The following TCERG1L variants were observed in gnomAD, a reference collection of about 807,000 sequenced individuals.
The protein encoded by TCERG1L is transcription elongation regulator 1 like.
Under a neutral mutation model 56.3 loss-of-function variants are expected in TCERG1L, and 37 were observed. The ratio of observed to expected loss-of-function variants is 0.66; its 90% CI spans 0.51 to 0.87. The LOEUF (loss-of-function observed/expected upper bound fraction) is 0.87. TCERG1L is among the 40% of genes least tolerant of loss of function. TCERG1L has a pLI of 0.00. For synonymous variants in TCERG1L, 324 were observed against 326.3 expected, an observed-to-expected ratio of 0.99 and a Z score of 0.08; for missense variants, 799 against 774.2, an observed-to-expected ratio of 1.03 and a Z score of -0.38.
intron 4 of TCERG1L, among the ~76,000 whole-genome samples, chr10:131,185,308 A>T (rs1389065316): frequency 1.3e-5 from 2 of 152,222 alleles, no homozygotes; most frequent in Non-Finnish European, 2.9e-5. Flanking sequence ...GGAGAAAGAG[A>T]CATAATCTTG....
In TCERG1L at chr10:131,111,673, C is replaced by G; in HGVS notation, c.1395+5126G>C. On this transcript the variant is annotated intron_variant, in intron 9 of 11. Transcript: ENST00000368642. ...TCACGATTTCCTCGCACAGCCTGAC[C>G]TTCCCCTCGTCCACGCCCCGTGGGC... Among the ~76,000 whole-genome samples the G allele has an allele frequency of 2.8e-5, 4 of 142,996 alleles. 1 individual carries two copies. 93.8% of individuals were successfully genotyped at this position (142,996 alleles called of 152,430 possible).
In TCERG1L at chr10:131,179,138, G is replaced by A. The variant is rs146746235; in HGVS notation, c.857-12253C>T. On this transcript the variant is annotated intron_variant, in intron 4 of 11. Coordinates refer to ENST00000368642, the MANE Select transcript of TCERG1L (RefSeq NM_174937.4). ...GGCTCTCTCCACGGGCTGCAGATCAGGCTGCCCGGATCAGGAGGTGAGCAG... is the reference window on the plus strand; with the variant it reads ...GGCTCTCTCCACGGGCTGCAGATCAAGCTGCCCGGATCAGGAGGTGAGCAG... Among the ~76,000 whole-genome samples, 211 of 152,338 alleles carry A rather than the reference G, an allele frequency of 1.4e-3. 1 individual carries two copies. Among genetic ancestry groups the A allele is most frequent in the East Asian group, 7.0e-3 (36 of 5,156 alleles).
intron 4 of TCERG1L, among the ~76,000 whole-genome samples, chr10:131,220,020 A>G (rs1258925079): frequency 1.3e-5 from 2 of 152,126 alleles, no homozygotes; most frequent in African/African-American, 4.8e-5. Flanking sequence ...ACAACAAAAG[A>G]GCCAGCCTAC....
intron 3 of TCERG1L, among the ~76,000 whole-genome samples, chr10:131,307,874 TA>T (rs1846832236): frequency 6.6e-6 from 1 of 152,094 alleles, no homozygotes; most frequent in Non-Finnish European, 1.5e-5. Flanking sequence ...CAACATTTTT[TA>T]AAGAGTAGAC....
chr10:131,268,763 C>T (rs1204394187), intron 3 of TCERG1L, among the ~76,000 whole-genome samples: 3 of 152,210 alleles, frequency 2.0e-5, no homozygotes, highest in East Asian at 1.9e-4. Flanking sequence ...CCTCTGTTAG[C>T]TTCAAACTTT....
chr10:131,212,360 G>A (rs1054570994), intron 4 of TCERG1L, among the ~76,000 whole-genome samples: 1 of 152,230 alleles, frequency 6.6e-6, no homozygotes, highest in African/African-American at 2.4e-5. Context: ...ACCAGTGCAT[G>A]ATCAGAAACT....
At chr10:131,223,290 C>T (rs562965545) in intron 4 of TCERG1L, among the ~76,000 whole-genome samples, 62 of 152,332 alleles carry the variant, frequency 4.1e-4, no homozygotes, top group Non-Finnish European at 7.2e-4. Context: ...CGTGTCCCCA[C>T]CCTGGTGCAG....
chr10:131,206,553 G>C (rs1845529741), intron 4 of TCERG1L, among the ~76,000 whole-genome samples: 1 of 152,254 alleles, frequency 6.6e-6, no homozygotes, highest in Non-Finnish European at 1.5e-5. Context: ...CAGGCCCTGG[G>C]TGCAAAGTCC....
intron 4 of TCERG1L, among the ~76,000 whole-genome samples, chr10:131,218,122 A>G (rs2944493): frequency 0.28 from 43,011 of 151,826 alleles, 6,597 homozygotes; most frequent in East Asian, 0.44. Context: ...GACACAGCCC[A>G]TTTTTTCCCA....
chr10:131,222,746 C>A lies in TCERG1L; in HGVS notation c.856+37513G>T, dbSNP rs191242861. ...CATTAATGTGGCCATGCCTGTCTGGCCCCTTCCTGTCCCCTCTCACATGTG... is the reference window on the plus strand; with the variant it reads ...CATTAATGTGGCCATGCCTGTCTGGACCCTTCCTGTCCCCTCTCACATGTG... On this transcript the variant is annotated intron_variant, in intron 4 of 11. Coordinates refer to ENST00000368642, the MANE Select transcript of TCERG1L (RefSeq NM_174937.4). 1.5e-3 allele frequency among the ~76,000 whole-genome samples: 226 copies of A among 152,302 alleles called. 3 individuals are homozygous for A. The highest frequency in any genetic ancestry group is 5.3e-3 in the African/African-American group (220 of 41,572).
rs536522629 is a variant in TCERG1L, at chr10:131,219,100, C to G, written c.856+41159G>C. ...CAGCTCCAGCCTCCAGGACTCCTCT[C>G]CGTCCTGGCTCTGCCTGCAGGCTCC... On this transcript the variant is annotated intron_variant, in intron 4 of 11. Coordinates refer to ENST00000368642, the MANE Select transcript of TCERG1L (RefSeq NM_174937.4). Among the ~76,000 whole-genome samples, 4 of 152,280 alleles carry G rather than the reference C, an allele frequency of 2.6e-5. No homozygotes were observed. In the South Asian group the frequency reaches 8.3e-4, roughly 32 times the overall value.
At chr10:131,135,305 C>T (rs1212221904) in intron 7 of TCERG1L, among the ~76,000 whole-genome samples, 13 of 152,184 alleles carry the variant, frequency 8.5e-5, no homozygotes, top group Non-Finnish European at 1.5e-4. Flanking sequence ...TCCATCTTCC[C>T]ATCCAGCCTT....
At chr10:131,221,132 C>T (rs945423225) in intron 4 of TCERG1L, among the ~76,000 whole-genome samples, 3 of 152,246 alleles carry the variant, frequency 2.0e-5, no homozygotes, top group Non-Finnish European at 4.4e-5. Flanking sequence ...CAAGGATCTG[C>T]CTCCTCTCCA....
At chr10:131,142,822 C>T (rs1215022642) in intron 7 of TCERG1L, among the ~76,000 whole-genome samples, 1 of 152,228 alleles carries the variant, frequency 6.6e-6, no homozygotes, top group African/African-American at 2.4e-5. Flanking sequence ...ATGTCCACAT[C>T]TGAATCCTGG....
intron 4 of TCERG1L, among the ~76,000 whole-genome samples, chr10:131,259,401 AAAAT>A (rs1311010794): frequency 3.9e-5 from 6 of 152,346 alleles, no homozygotes; most frequent in Admixed American, 3.3e-4. Context: ...AACTAAAACC[AAAAT>A]AACAGAGTAA....
chr10:131,191,712 T>A (rs1845303104), intron 4 of TCERG1L, among the ~76,000 whole-genome samples: 1 of 139,866 alleles, frequency 7.1e-6, no homozygotes, highest in Admixed American at 7.1e-5. Context: ...TCAAGATGGA[T>A]CACAGACTTA....
chr10:131,222,319 C>T (rs1048445119), intron 4 of TCERG1L, among the ~76,000 whole-genome samples: 10 of 152,330 alleles, frequency 6.6e-5, no homozygotes, highest in East Asian at 1.9e-4. Context: ...CGGACAGTGA[C>T]GGCTGCGTTT....
chr10:131,116,970 G>T, intron 8 of TCERG1L, 36 bp from the exon 9 acceptor site: 1 of 1,587,400 alleles, frequency 6.3e-7, no homozygotes, highest in Non-Finnish European at 8.6e-7. Context: ...AGACACACTC[G>T]TGGGGACCCA....
At chr10:131,222,512 T>G (rs1214420502) in intron 4 of TCERG1L, among the ~76,000 whole-genome samples, 1 of 152,204 alleles carries the variant, frequency 6.6e-6, no homozygotes, top group Admixed American at 6.5e-5. Flanking sequence ...GCCACACTGG[T>G]GTGAGTGCCA....
Sources: allele counts gnomAD v4.1 joint callset (sites outside exome capture counted in the v4.1 genomes callset), GRCh38; gene constraint gnomAD v4.1.1; transcripts MANE v1.5; gene names NCBI Gene and HGNC (gene_info 2026-07-23, HGNC 2026-07-21).